Variants in SPECC1L observed in about 807,000 individuals in gnomAD.
SPECC1L encodes the protein cytospin-A.
A neutral mutation model predicts 116.8 loss-of-function variants in SPECC1L; 40 were observed. That is an observed-to-expected ratio of 0.34 (90% confidence interval 0.27 to 0.45). The LOEUF (loss-of-function observed/expected upper bound fraction) is 0.45. SPECC1L is among the 20% of genes least tolerant of loss of function. SPECC1L has a pLI of 1.00. For synonymous variants in SPECC1L, 504 were observed against 500.6 expected, an observed-to-expected ratio of 1.01 and a Z score of -0.09; for missense variants, 1,110 against 1,373.6, an observed-to-expected ratio of 0.81 and a Z score of 3.03.
intron 12 of SPECC1L, among the ~76,000 whole-genome samples, chr22:24,363,930 T>A (rs1010525405): frequency 3.6e-4 from 1 of 2,782 alleles, no homozygotes; most frequent in Admixed American, 4.4e-3. Context: ...GGGGTGGGGG[T>A]GGGGGTGGGA....
At chr22:24,385,515 T>TATA (rs2042145024) in intron 14 of SPECC1L, among the ~76,000 whole-genome samples, 1 of 152,214 alleles carries the variant, frequency 6.6e-6, no homozygotes, top group Non-Finnish European at 1.5e-5. Context: ...AGATGTCCTA[T>TATA]GCGAGCACTA....
intron 14 of SPECC1L, among the ~76,000 whole-genome samples, chr22:24,401,517 C>T (rs2042473516): frequency 6.6e-6 from 1 of 152,242 alleles, no homozygotes; most frequent in Admixed American, 6.5e-5. Flanking sequence ...CATTAGGCTT[C>T]CTCTTTACAG....
At chr22:24,374,823 A>C (rs2041940741) in intron 14 of SPECC1L, among the ~76,000 whole-genome samples, 3 of 152,112 alleles carry the variant, frequency 2.0e-5, no homozygotes. Context: ...CAAAATAAGC[A>C]GAAGGAAGGA....
chr22:24,327,378 G>A (rs1403819046), intron 6 of SPECC1L, among the ~76,000 whole-genome samples: 2 of 151,510 alleles, frequency 1.3e-5, no homozygotes, highest in Non-Finnish European at 2.9e-5. Context: ...GGTTCTAGTG[G>A]AACAGGGGTA....
At chr22:24,317,097 A>C (rs1463028742) in intron 4 of SPECC1L, among the ~76,000 whole-genome samples, 8 of 69,124 alleles carry the variant, frequency 1.2e-4, no homozygotes, top group Admixed American at 1.7e-4. Context: ...TGACCCCCCC[A>C]CCTCCCTCCT....
chr22:24,272,162 C>T (rs1182673326), intron 1 of SPECC1L, among the ~76,000 whole-genome samples: 1 of 152,222 alleles, frequency 6.6e-6, no homozygotes, highest in East Asian at 1.9e-4. Context: ...GGGCGGATCA[C>T]CTGAAGTCAG....
intron 10 of SPECC1L, among the ~76,000 whole-genome samples, chr22:24,346,723 A>G (rs965228693): frequency 4.6e-5 from 7 of 152,196 alleles, no homozygotes; most frequent in African/African-American, 1.4e-4. Flanking sequence ...TCAGTAACAT[A>G]TAAATGACTA....
At chr22:24,366,693 A>G (rs1329339674) in intron 13 of SPECC1L, among the ~76,000 whole-genome samples, 1 of 152,176 alleles carries the variant, frequency 6.6e-6, no homozygotes, top group Non-Finnish European at 1.5e-5. Context: ...GATATCAAAG[A>G]TGGCTGTGTT....
At chr22:24,278,449 G>A (rs2048878559) in intron 2 of SPECC1L, among the ~76,000 whole-genome samples, 1 of 151,818 alleles carries the variant, frequency 6.6e-6, no homozygotes, top group Non-Finnish European at 1.5e-5. Flanking sequence ...CATTAAATTA[G>A]CTGGTACCAC....
At chr22:24,363,420 A>G in intron 12 of SPECC1L, 76 bp downstream of exon 12, 1 of 1,263,264 alleles carries the variant, frequency 7.9e-7, no homozygotes, top group Non-Finnish European at 1.1e-6. Flanking sequence ...GCCCAGGCTG[A>G]TCTCAAACTC....
At chr22:24,290,104 T>G (rs1408151286) in intron 2 of SPECC1L, among the ~76,000 whole-genome samples, 1 of 152,086 alleles carries the variant, frequency 6.6e-6, no homozygotes, top group Non-Finnish European at 1.5e-5. Context: ...CTTATCTTGA[T>G]TAAAGTGGCC....
intron 2 of SPECC1L, among the ~76,000 whole-genome samples, chr22:24,293,265 C>T (rs1380910074): frequency 6.6e-6 from 1 of 152,004 alleles, no homozygotes; most frequent in Admixed American, 6.6e-5. Context: ...ACTATCCTGG[C>T]CAACATAGTT....
At chr22:24,312,467 T>C (rs1354831904) in intron 3 of SPECC1L, among the ~76,000 whole-genome samples, 3 of 152,222 alleles carry the variant, frequency 2.0e-5, no homozygotes, top group East Asian at 3.8e-4. Context: ...TAGAAGATAG[T>C]GTAAATCAGT....
rs1569426221 is a variant in SPECC1L, at chr22:24,338,384, AG to A, written c.2561-1del. 1 of 1,613,706 alleles carries A rather than the reference AG, an allele frequency of 6.2e-7. No individual in the cohort carries two copies. Among genetic ancestry groups the A allele is most frequent in the Admixed American group, 1.7e-5 (1 of 59,996 alleles). ...TTCCCTTTTTGTTTGTTGTTTTTGT[AG>A]TACCAAACCCTGCTGCAGCTGCAAT... On this transcript the variant is annotated splice_acceptor_variant, in intron 9 of 16. Coordinates refer to ENST00000314328, the MANE Select transcript of SPECC1L (RefSeq NM_015330.6). LOFTEE classifies it high-confidence loss of function.
intron 14 of SPECC1L, among the ~76,000 whole-genome samples, chr22:24,380,151 G>C (rs1194703963): frequency 2.0e-5 from 3 of 152,186 alleles, no homozygotes; most frequent in Non-Finnish European, 4.4e-5. Context: ...GATTAAAGGC[G>C]TGAGCCACTG....
intron 14 of SPECC1L, among the ~76,000 whole-genome samples, chr22:24,386,572 T>A (rs1291908706): frequency 6.6e-6 from 1 of 151,468 alleles, no homozygotes; most frequent in African/African-American, 2.4e-5. Flanking sequence ...GTGAAAAAAT[T>A]TTCAGGATCT....
rs145318933 is a variant in SPECC1L at position 24,347,610 on chromosome 22, G to C, written c.2743+434G>C. The stretch of plus-strand genomic sequence containing the variant: ...GACTGAGTTTTGTTACCCTGAGAGA[G>C]CTGAGACTCTGGAAGATGAGGGTCA... On this transcript the variant is annotated intron_variant, in intron 11 of 16. Transcript: ENST00000314328. Among the ~76,000 whole-genome samples the C allele has an allele frequency of 5.6e-4, 85 of 152,290 alleles. 3 individuals are homozygous for C. In the East Asian group the frequency reaches 0.015, roughly 28 times the overall value.
chr22:24,347,376 G>A (rs1390545102), intron 11 of SPECC1L, among the ~76,000 whole-genome samples, 200 bp downstream of exon 11: 1 of 152,162 alleles, frequency 6.6e-6, no homozygotes, highest in Non-Finnish European at 1.5e-5. Flanking sequence ...TTTCCTGACA[G>A]CTGTCATAAT....
rs1350275306 is a variant in SPECC1L at position 24,313,742 on chromosome 22, C to CTTTT, written c.307+291_307+294dup. Among the ~76,000 whole-genome samples, 112 of 129,958 alleles carry CTTTT rather than the reference C, an allele frequency of 8.6e-4. 2 individuals carry two copies. Among genetic ancestry groups the CTTTT allele is most frequent in the African/African-American group, 2.7e-3 (96 of 35,082 alleles). 85.3% of individuals were successfully genotyped at this position (129,958 alleles called of 152,430 possible). On this transcript the variant is annotated intron_variant, in intron 4 of 16. Transcript: ENST00000314328. ...TTATTATCTTGGAAAGAGAAGGATT[C>CTTTT]TTTTTTTTTTTTTTTTTTGAGACAG...
Sources: gnomAD v4.1 joint callset for allele counts (sites outside exome capture counted in the v4.1 genomes callset) on GRCh38, gnomAD v4.1.1 for gene constraint, MANE v1.5 for transcripts, NCBI Gene and HGNC (gene_info 2026-07-23, HGNC 2026-07-21) for gene names.